The following CSNK1A1 variants were observed in gnomAD, a reference collection of about 807,000 sequenced individuals.
CSNK1A1 encodes the protein casein kinase I isoform alpha.
CSNK1A1 carries 7 observed loss-of-function variants against 46.1 expected under a neutral mutation model. The observed-to-expected ratio is 0.15, with a 90% CI of 0.09 to 0.29. The LOEUF is 0.29. CSNK1A1 is among the 10% of genes least tolerant of loss of function. The pLI is 1.00. For missense variants in CSNK1A1, 96 were observed against 417.1 expected (o/e 0.23, Z 6.71); for synonymous variants, 137 against 141.5 (o/e 0.97, Z 0.23).
intron 6 of CSNK1A1, 28 bp downstream of exon 6, chr5:149,511,766 A>G: frequency 6.8e-7 from 1 of 1,479,174 alleles, no homozygotes; most frequent in Non-Finnish European, 9.3e-7. Flanking sequence ...AAGAGAGAGA[A>G]AAATCTGATA....
intron 9 of CSNK1A1, chr5:149,504,242 A>AC: frequency 1.0e-6 from 1 of 985,462 alleles, no homozygotes; most frequent in South Asian, 4.7e-5. Context: ...AAATACAAAA[A>AC]CATGGAATAG....
At position 149,508,198 on chromosome 5, in the gene CSNK1A1, T is replaced by C. The variant is rs564225498; in HGVS notation, c.751-1065A>G. On this transcript the variant is annotated intron_variant, in intron 7 of 9. Transcript: ENST00000377843. ...TCTCATGTCCTGGAGTTAGGAAGGA[T>C]AGAATGGAAATGCTTGCAACATTTT... Among the ~76,000 whole-genome samples, 7 of 152,294 alleles carry C rather than the reference T, an allele frequency of 4.6e-5. No individual in the cohort carries two copies. In the South Asian group the frequency reaches 1.5e-3, roughly 32 times the overall value.
chr5:149,496,540 G>T lies in CSNK1A1; in HGVS notation c.*313C>A. 2.7e-6 allele frequency: 1 copy of T among 371,748 alleles called. No homozygotes were observed. The highest frequency in any genetic ancestry group is 2.1e-5 in the African/African-American group (1 of 47,804). 23.0% of individuals were successfully genotyped at this position (371,748 alleles called of 1,614,324 possible). A position where few individuals can be genotyped will look rare whatever the true frequency, so the allele number is the denominator to read the frequency against. On this transcript the variant is annotated 3_prime_UTR_variant, in exon 10 of 10. Transcript: ENST00000377843. ...AGGTTTTAACAAAAAATTGGCATAT[G>T]CACAATTTCTCCACCAATTTTTGTG...
chr5:149,549,564 G>T, intron 2 of CSNK1A1: 1 of 697,836 alleles, frequency 1.4e-6, no homozygotes, highest in East Asian at 2.7e-5. Flanking sequence ...CTGAGAAAAG[G>T]GCAGGAATAT....
intron 9 of CSNK1A1, chr5:149,501,790 A>G: frequency 2.0e-6 from 2 of 982,150 alleles, no homozygotes; most frequent in Non-Finnish European, 2.4e-6. Context: ...TGTCCTAAAA[A>G]TATTTCATTT....
At chr5:149,524,047 TCA>T (rs1335962207) in intron 3 of CSNK1A1, among the ~76,000 whole-genome samples, 5 of 152,168 alleles carry the variant, frequency 3.3e-5, no homozygotes, top group African/African-American at 1.2e-4. Context: ...TGAAAGAAGC[TCA>T]CAGTGATGCT....
rs573392067 is a variant in CSNK1A1, at chr5:149,535,809, T to C, written c.231-10638A>G. 1.8e-4 allele frequency among the ~76,000 whole-genome samples: 27 copies of C among 151,748 alleles called. No homozygotes were observed. The South Asian group carries it at 5.4e-3, about 30-fold the overall frequency. On this transcript the variant is annotated intron_variant, in intron 2 of 9. Coordinates refer to ENST00000377843, the MANE Select transcript of CSNK1A1 (RefSeq NM_001892.6). Reference sequence around the variant, plus strand: ...GGCACATGCTGCCACACTCAGCTAATTTTTCTGTGTGTTTTGAGTAGAGAC... The same window carrying C: ...GGCACATGCTGCCACACTCAGCTAACTTTTCTGTGTGTTTTGAGTAGAGAC...
intron 2 of CSNK1A1, among the ~76,000 whole-genome samples, chr5:149,543,786 G>A (rs1003786352): frequency 2.0e-5 from 3 of 152,120 alleles, no homozygotes; most frequent in African/African-American, 7.2e-5. Context: ...TACTCAGGAG[G>A]CTAAGAGGCA....
At chr5:149,541,454 G>A (rs78427266) in intron 2 of CSNK1A1, among the ~76,000 whole-genome samples, 3,650 of 151,630 alleles carry the variant, frequency 0.024, 76 homozygotes, top group East Asian at 0.091. Flanking sequence ...TACCACACCC[G>A]GCCAGTCAAC....
At chr5:149,500,041 C>T (rs1467658833) in intron 9 of CSNK1A1, among the ~76,000 whole-genome samples, 1 of 147,708 alleles carries the variant, frequency 6.8e-6, no homozygotes, top group Non-Finnish European at 1.5e-5. Context: ...CGATCTCCGC[C>T]CACTACAAGC....
chr5:149,532,651 T>G (rs1461139891), intron 2 of CSNK1A1, among the ~76,000 whole-genome samples: 1 of 152,148 alleles, frequency 6.6e-6, no homozygotes, highest in Non-Finnish European at 1.5e-5. Context: ...ATCACGCCAT[T>G]GCACTCCAGC....
At chr5:149,531,706 AAC>A (rs773315398) in intron 2 of CSNK1A1, among the ~76,000 whole-genome samples, 38 of 79,314 alleles carry the variant, frequency 4.8e-4, no homozygotes, top group African/African-American at 1.5e-3. Context: ...AAAAAAAAAA[AAC>A]AAAAAACAAA....
At chr5:149,527,348 G>A (rs1444718122) in intron 2 of CSNK1A1, among the ~76,000 whole-genome samples, 4 of 152,070 alleles carry the variant, frequency 2.6e-5, no homozygotes, top group Admixed American at 2.0e-4. Context: ...GGCTGGTCTC[G>A]AATTCCTGAC....
rs1424868956 is a variant in CSNK1A1 at position 149,496,799 on chromosome 5, A to G, written c.*54T>C. Reference sequence around the variant, plus strand: ...AACTAAAATTTCTAGATTTGGGGAGAAACAAATGCTGCTCCGATCATCTGC... The same window carrying G: ...AACTAAAATTTCTAGATTTGGGGAGGAACAAATGCTGCTCCGATCATCTGC... On this transcript the variant is annotated 3_prime_UTR_variant, in exon 10 of 10. Transcript: ENST00000377843. 3 of 1,546,144 alleles carry G rather than the reference A, an allele frequency of 1.9e-6. No homozygotes were observed. The East Asian group carries it at 7.2e-5, about 37-fold the overall frequency.
intron 9 of CSNK1A1, chr5:149,498,492 C>T (rs968116702): frequency 1.0e-6 from 1 of 984,856 alleles, no homozygotes; most frequent in African/African-American, 1.8e-5. Flanking sequence ...TTTTAAAATA[C>T]AGGAAAAGTT....
intron 9 of CSNK1A1, chr5:149,501,265 A>T (rs576365904): frequency 1.4e-6 from 1 of 739,866 alleles, no homozygotes; most frequent in East Asian, 1.3e-4. Flanking sequence ...TGTCCACAGT[A>T]AAAAAAAAAG....
intron 3 of CSNK1A1, among the ~76,000 whole-genome samples, chr5:149,521,281 T>TC (rs1223065255): frequency 6.7e-6 from 1 of 149,208 alleles, no homozygotes; most frequent in Admixed American, 6.6e-5. Context: ...TTTTTTTTTT[T>TC]TTTTTTTTGA....
At chr5:149,497,436 T>C (rs1760688755) in intron 9 of CSNK1A1, 1 of 985,760 alleles carries the variant, frequency 1.0e-6, no homozygotes. Flanking sequence ...TGTGACTCAT[T>C]TAAAAATGTA....
intron 2 of CSNK1A1, among the ~76,000 whole-genome samples, chr5:149,538,681 G>C (rs1181597837): frequency 6.6e-6 from 1 of 152,162 alleles, no homozygotes; most frequent in African/African-American, 2.4e-5. Flanking sequence ...CCAGCACTTT[G>C]GGAGGCCAAG....
Sources: allele counts gnomAD v4.1 joint callset (sites outside exome capture counted in the v4.1 genomes callset), GRCh38; gene constraint gnomAD v4.1.1; transcripts MANE v1.5; gene names NCBI Gene and HGNC (gene_info 2026-07-23, HGNC 2026-07-21).